The following PPFIA4 variants were observed in gnomAD, a reference collection of about 807,000 sequenced individuals.
PPFIA4 encodes PPFI scaffold protein A4, also known as liprin-alpha-4.
In PPFIA4, 98 loss-of-function variants were observed where a neutral mutation model predicts 145.7. That is an observed-to-expected ratio of 0.67 (90% confidence interval 0.57 to 0.80). PPFIA4 has a LOEUF of 0.80. Among genes scored for constraint, PPFIA4 ranks in the 30% least tolerant of loss-of-function variants. The probability of loss-of-function intolerance (pLI) is 0.00; values close to 1 mark genes in which losing one functional copy is unlikely to be tolerated. For synonymous variants in PPFIA4, 628 were observed against 649.6 expected (o/e 0.97, Z 0.51); for missense variants, 1,457 against 1,632.7 (o/e 0.89, Z 1.85).
rs1045942986 is a variant in PPFIA4, at chr1:203,060,045, C to T, written c.2584-172C>T. On this transcript the variant is annotated intron_variant, in intron 21 of 29. Coordinates refer to ENST00000295706, the MANE Select transcript of PPFIA4 (RefSeq NM_001304331.2). The surrounding 1 kb of genome is among the most constrained non-coding windows in gnomAD (Gnocchi z 4.8). ...CAGTCGCAGGAGAGAGTTGATGCTA[C>T]TTTTAATCTGTAAAATGGGAGAGTG... Among the ~76,000 whole-genome samples the T allele has an allele frequency of 2.6e-5, 4 of 152,162 alleles. No homozygotes were observed. Among genetic ancestry groups the T allele is most frequent in the African/African-American group, 7.2e-5 (3 of 41,428 alleles).
In PPFIA4 at chr1:203,045,444, G is replaced by T. The variant is rs529792187; in HGVS notation, c.743G>T (p.Arg248Leu). ...TTTGAGTTGAGCCAGGCCCGGGAGCGACTGGTCACCCTAACAACAACCGTG... is the reference window on the plus strand; with the variant it reads ...TTTGAGTTGAGCCAGGCCCGGGAGCTACTGGTCACCCTAACAACAACCGTG... The part of the protein sequence containing the change: ...QNFELSQARE[R>L]LVTLTTTVTE... The change falls in exon 7 of 30, where the codon CGA becomes CTA. Residue 248 changes from arginine to leucine, a missense_variant. Arg to Leu is a moderately radical substitution (Grantham distance 102, BLOSUM62 -2). Around this residue, in one of 3 missense-constraint regions of PPFIA4, gnomAD observed 463 missense variants for 459.8 expected, o/e 1.01. Coordinates refer to ENST00000295706, the MANE Select transcript of PPFIA4 (RefSeq NM_001304331.2). 3 of 1,609,828 alleles carry T rather than the reference G, an allele frequency of 1.9e-6. No individual in the cohort carries two copies. Among genetic ancestry groups the T allele is most frequent in the South Asian group, 1.1e-5 (1 of 90,304 alleles).
At chr1:203,066,701 T>C (rs1253529447) in intron 25 of PPFIA4, among the ~76,000 whole-genome samples, 1 of 152,234 alleles carries the variant, frequency 6.6e-6, no homozygotes, top group Non-Finnish European at 1.5e-5. Context: ...TGTGGTTCTA[T>C]GCCTGGCTTA....
chr1:203,051,847 C>A lies in PPFIA4; in HGVS notation c.1590C>A (p.Arg530=), dbSNP rs1660535100. The change falls in exon 14 of 30, where the codon CGC becomes CGA. Residue 530 remains arginine, a synonymous_variant. Coordinates refer to ENST00000295706, the MANE Select transcript of PPFIA4 (RefSeq NM_001304331.2). ...ACGCACCCCCAGGCGTGCATCGCCGCTACTCGGCATTGAGGGAAGAGTCTG... is the reference window on the plus strand; with the variant it reads ...ACGCACCCCCAGGCGTGCATCGCCGATACTCGGCATTGAGGGAAGAGTCTG... ...TTHAPPGVHR[R]YSALREESAK... is the part of the protein sequence containing the mutation. 1 of 1,613,628 alleles carries A rather than the reference C, an allele frequency of 6.2e-7. No individual in the cohort carries two copies. The highest frequency in any genetic ancestry group is 1.7e-5 in the Admixed American group (1 of 59,978).
Position 203,053,730 on chromosome 1 carries a change from C to T in PPFIA4, c.1621-23C>T, listed in dbSNP as rs754707914. The T allele has an allele frequency of 5.2e-6, 8 of 1,548,050 alleles. No individual in the cohort carries two copies. In the South Asian group the frequency reaches 6.0e-5, roughly 12 times the overall value. On this transcript the variant is annotated intron_variant, in intron 14 of 29. Transcript: ENST00000295706. The stretch of plus-strand genomic sequence containing the variant: ...TTATCTGGGTGTCTTATTACGACTC[C>T]TTTACCCTCCTCCTTTGCTAAGGAC...
chr1:203,053,766 C>T lies in PPFIA4; in HGVS notation c.1634C>T (p.Ser545Phe), dbSNP rs1273677518. ...TCCTTTGCTAAGGACTGGGAGACTT[C>T]TCCACTGCCTGGGATGCTGGCCCCG... is the stretch of plus-strand genomic sequence containing the variant. ...REESAKDWET[S>F]PLPGMLAPAA... Residue 545 changes from serine (S) to phenylalanine (F), a missense_variant, in exon 15 of 30, where the codon TCT (serine) becomes TTT (phenylalanine). Coordinates refer to ENST00000295706, the MANE Select transcript of PPFIA4 (RefSeq NM_001304331.2). The T allele has an allele frequency of 1.9e-6, 3 of 1,550,920 alleles. No individual in the cohort carries two copies. The highest frequency in any genetic ancestry group is 2.6e-6 in the Non-Finnish European group (3 of 1,147,164).
rs372872231 is a variant in PPFIA4, at chr1:203,061,008, A to G, written c.2823A>G (p.Glu941=). 121 of 1,613,872 alleles carry G rather than the reference A, an allele frequency of 7.5e-5. No individual in the cohort carries two copies. The highest frequency in any genetic ancestry group is 8.7e-5 in the Non-Finnish European group (103 of 1,179,874). ...TCTGGGTCACCCATGAAGAGATGGA[A>G]ACTCTGGAAACATCTACTAAAACAG... ...GNVWVTHEEM[E]TLETSTKTDS... The change falls in exon 23 of 30, where the codon GAA becomes GAG. Residue 941 remains glutamate, a synonymous_variant. Transcript: ENST00000295706.
At position 203,044,727 on chromosome 1, in the gene PPFIA4, G is replaced by A. The variant is rs759978415; in HGVS notation, c.608G>A (p.Arg203Gln). 22 of 1,563,256 alleles carry A rather than the reference G, an allele frequency of 1.4e-5. No homozygotes were observed. The highest frequency in any genetic ancestry group is 1.2e-4 in the Admixed American group (6 of 52,116). ...VSALQQGAGV[R>Q]DGAAEEEGTV... ...GCCCTGCAGCAGGGGGCAGGGGTGC[G>A]GGATGGAGCGGCAGAAGAGGAGGGG... is the stretch of plus-strand genomic sequence containing the variant. The change falls in exon 6 of 30, where the codon CGG becomes CAG. Residue 203 changes from arginine (R) to glutamine (Q), a missense_variant. This residue lies in a region of PPFIA4 where 463 missense variants were observed against 459.8 expected (regional missense o/e 1.01). Coordinates refer to ENST00000295706, the MANE Select transcript of PPFIA4 (RefSeq NM_001304331.2).
rs1659841401 is a variant in PPFIA4 at position 203,043,466 on chromosome 1, T to C, written c.304T>C (p.Ser102Pro). 2.5e-6 allele frequency: 4 copies of C among 1,611,258 alleles called. No individual in the cohort carries two copies. Among genetic ancestry groups the C allele is most frequent in the Non-Finnish European group, 3.4e-6 (4 of 1,179,222 alleles). ...GCTTCTAGAGCGGGAGGAAGAGATA[T>C]CAGAACTGAAAGCAGAACGGAATAA... ...EQLLEREEEISELKAERNNTR... is the reference protein window; with the variant it reads ...EQLLEREEEIPELKAERNNTR... The change falls in exon 3 of 30, where the codon TCA becomes CCA. Residue 102 changes from serine to proline, a missense_variant. Ser to Pro is a moderately conservative substitution (Grantham distance 74). This residue lies in a region of PPFIA4 where 463 missense variants were observed against 459.8 expected (regional missense o/e 1.01). Transcript: ENST00000295706. This position sits in a 1 kb window ranked among gnomAD's most constrained non-coding sequence, Gnocchi z 4.4.
intron 27 of PPFIA4, among the ~76,000 whole-genome samples, chr1:203,069,767 C>T (rs1330996500): frequency 2.2e-5 from 3 of 137,508 alleles, no homozygotes; most frequent in African/African-American, 5.3e-5. Context: ...CCCCCCGCCC[C>T]GCCCCCACCC....
At chr1:203,035,762 G>A (rs560155181) in intron 1 of PPFIA4, 95 of 426,380 alleles carry the variant, frequency 2.2e-4, no homozygotes, top group Admixed American at 8.9e-4. Context: ...GGTGCCCCAC[G>A]TGGCTGTCCT....
intron 1 of PPFIA4, chr1:203,037,199 C>T (rs773801094): frequency 1.1e-5 from 4 of 374,394 alleles, no homozygotes; most frequent in African/African-American, 2.1e-5. Flanking sequence ...GGGAGGGGGT[C>T]CAGGTAGGAG....
At position 203,061,652 on chromosome 1, in the gene PPFIA4, G is replaced by T; in HGVS notation, c.2848G>T (p.Asp950Tyr). 6.4e-7 allele frequency: 1 copy of T among 1,565,718 alleles called. No individual in the cohort carries two copies. Among genetic ancestry groups the T allele is most frequent in the Non-Finnish European group, 8.7e-7 (1 of 1,154,948 alleles). The change falls in exon 24 of 30, where the codon GAC becomes TAC. Residue 950 changes from aspartate to tyrosine, a missense_variant and splice_region_variant. Physicochemically the swap from Asp to Tyr is radical, Grantham distance 160. Transcript: ENST00000295706. ...AACACGCTGCACTCGTTCCTGCTAG[G>T]ACAGTGAGGAGGGCAGCTGGGCTCA... ...METLETSTKT[D>Y]SEEGSWAQTL...
At position 203,035,391 on chromosome 1, in the gene PPFIA4, C is replaced by T. The variant is rs148905204; in HGVS notation, c.-399-3219C>T. On this transcript the variant is annotated intron_variant, in intron 1 of 29. Transcript: ENST00000295706. ...CAACAGACCCAAATGCCCATCCCTC[C>T]TGTGTGTTAGGAAAAGGTGGGGGTG... 449 of 443,768 alleles carry T rather than the reference C, an allele frequency of 1.0e-3. 2 individuals are homozygous for T. Among genetic ancestry groups the T allele is most frequent in the African/African-American group, 6.0e-3 (299 of 49,912 alleles). 27.5% of individuals were successfully genotyped at this position (443,768 alleles called of 1,614,324 possible).
intron 27 of PPFIA4, among the ~76,000 whole-genome samples, chr1:203,069,738 G>A (rs992777315): frequency 4.6e-5 from 7 of 150,736 alleles, no homozygotes; most frequent in African/African-American, 1.7e-4. Flanking sequence ...ATTGTGTCCT[G>A]TAGGCATTCT....
intron 1 of PPFIA4, chr1:203,035,159 C>T (rs1368867220): frequency 2.3e-5 from 9 of 385,800 alleles, no homozygotes; most frequent in African/African-American, 1.0e-4. Context: ...GGTGGGTGTC[C>T]GACCCTCCTG....
At chr1:203,033,713 T>G (rs573373462) in intron 1 of PPFIA4, among the ~76,000 whole-genome samples, 1 of 152,262 alleles carries the variant, frequency 6.6e-6, no homozygotes, top group South Asian at 2.1e-4. Context: ...GTGTGGTGGC[T>G]CACACCTATA....
intron 19 of PPFIA4, among the ~76,000 whole-genome samples, chr1:203,058,014 GGCCAGCTGTGAGGGC>G (rs1661093382): frequency 1.3e-5 from 2 of 152,292 alleles, no homozygotes; most frequent in South Asian, 4.1e-4. Flanking sequence ...GCTAGGCTGG[GGCCAGCTGTGAGGGC>G]CTTGCAGCAT....
chr1:203,062,563 T>TGAA (rs35061466), intron 24 of PPFIA4, among the ~76,000 whole-genome samples: 75,840 of 148,506 alleles, frequency 0.51, 19,595 homozygotes, highest in South Asian at 0.55. Context: ...ATGCGAGCTG[T>TGAA]GAAGAATGAA....
At chr1:203,052,921 T>C (rs546107227) in intron 14 of PPFIA4, among the ~76,000 whole-genome samples, 28 of 152,378 alleles carry the variant, frequency 1.8e-4, no homozygotes, top group Admixed American at 5.2e-4. Flanking sequence ...CTTTCTGTTC[T>C]CTGGGTGTAG....
Sources: gnomAD v4.1 joint callset for allele counts (sites outside exome capture counted in the v4.1 genomes callset) on GRCh38, gnomAD v4.1.1 for gene constraint, gnomAD v4.1.1 regional missense constraint, Gnocchi (gnomAD v3.1) non-coding constraint, MANE v1.5 for transcripts, NCBI Gene and HGNC (gene_info 2026-07-23, HGNC 2026-07-21) for gene names.